Variants in POLR2F observed in about 807,000 individuals in gnomAD.
The protein encoded by POLR2F is DNA-directed RNA polymerases I, II, and III subunit RPABC2.
Under a neutral mutation model 22.7 loss-of-function variants are expected in POLR2F, and 12 were observed. That is an observed-to-expected ratio of 0.53 (90% CI 0.34 to 0.86). The LOEUF is 0.86. Among genes scored for constraint, POLR2F ranks in the 40% least tolerant of loss-of-function variants. The probability of loss-of-function intolerance (pLI) is 0.02; values close to 1 mark genes in which losing one functional copy is unlikely to be tolerated. For missense variants in POLR2F, 126 were observed against 171.5 expected (o/e 0.73, Z 1.48); for synonymous variants, 57 against 66.0 (o/e 0.86, Z 0.66).
chr22:37,984,775 G>A (rs1932522174), upstream of POLR2F, among the ~76,000 whole-genome samples: 1 of 152,166 alleles, frequency 6.6e-6, no homozygotes, highest in South Asian at 2.1e-4. This position sits in a 1 kb window ranked among gnomAD's most constrained non-coding sequence, Gnocchi z 4.4. Context: ...GGGAGGTGGA[G>A]GGGAGGTTAG....
chr22:38,013,343 A>G (rs967326446), intron 1 of POLR2F, among the ~76,000 whole-genome samples: 3 of 151,958 alleles, frequency 2.0e-5, no homozygotes, highest in Non-Finnish European at 2.9e-5. Context: ...GCGGGGTTTC[A>G]TCATGTTGGC....
chr22:38,012,730 G>T (rs1341216710), intron 1 of POLR2F, among the ~76,000 whole-genome samples: 1 of 152,104 alleles, frequency 6.6e-6, no homozygotes, highest in Non-Finnish European at 1.5e-5. Context: ...TGACATTTTT[G>T]AAGCGTACAA....
rs1932180791 is a variant in POLR2F, at chr22:37,974,990, C to G, written c.293+7820C>G. ...CAACCCTTCCCTCCTCCTGAGCCCA[C>G]CCTGCTTCCCAGCCCACTGGCAAGC... On this transcript the variant is annotated intron_variant, in intron 4 of 4. Coordinates refer to the POLR2F transcript ENST00000405557. The surrounding 1 kb of genome is among the most constrained non-coding windows in gnomAD (Gnocchi z 5.4). 6.6e-6 allele frequency among the ~76,000 whole-genome samples: 1 copy of G among 152,228 alleles called. No homozygotes were observed. Among genetic ancestry groups the G allele is most frequent in the South Asian group, 2.1e-4 (1 of 4,830 alleles).
chr22:38,021,327 A>G (rs1006483654), intron 1 of POLR2F, among the ~76,000 whole-genome samples: 2 of 152,096 alleles, frequency 1.3e-5, no homozygotes, highest in Non-Finnish European at 2.9e-5. Context: ...GCCTTTGCCA[A>G]GCTCTTCCTT....
chr22:37,983,863 G>A, upstream of POLR2F: 1 of 1,240,486 alleles, frequency 8.1e-7, no homozygotes, highest in Non-Finnish European at 1.0e-6. This position sits in a 1 kb window ranked among gnomAD's most constrained non-coding sequence, Gnocchi z 9.5. Flanking sequence ...AGAGTCCAAC[G>A]CCCACCTGGA....
At chr22:37,960,028 G>A (rs968804056) in intron 3 of POLR2F, among the ~76,000 whole-genome samples, 2 of 151,930 alleles carry the variant, frequency 1.3e-5, no homozygotes, top group South Asian at 2.1e-4. Flanking sequence ...AGTCTCGAAC[G>A]CCTAGCTTCA....
rs2085131041 is a variant in POLR2F at position 38,037,779 on chromosome 22, G to A, written c.453-3289G>A. Among the ~76,000 whole-genome samples, 3 of 152,230 alleles carry A rather than the reference G, an allele frequency of 2.0e-5. 1 individual carries two copies. The highest frequency in any genetic ancestry group is 2.0e-4 in the Admixed American group (3 of 15,284). On this transcript the variant is annotated intron_variant, in intron 5 of 5. Coordinates refer to the POLR2F transcript ENST00000407936. ...GGCTAATTTTTGTATTTTTAGTAGA[G>A]ATGAGGTTTCACCACGTTGGCCAGG...
At chr22:37,954,537 G>C (rs1309857109) in intron 1 of POLR2F, among the ~76,000 whole-genome samples, 1 of 152,132 alleles carries the variant, frequency 6.6e-6, no homozygotes, top group Non-Finnish European at 1.5e-5. Context: ...TCCTGAGCTT[G>C]TGATCCACCC....
chr22:38,034,672 CCCTT>C (rs1373760218), intron 5 of POLR2F, among the ~76,000 whole-genome samples: 2 of 152,148 alleles, frequency 1.3e-5, no homozygotes, highest in African/African-American at 2.4e-5. Context: ...TAGCAGCTTC[CCCTT>C]GGGACAGAAT....
rs1443018564 is a variant in POLR2F at position 37,967,801 on chromosome 22, A to G, written c.*86A>G. 1.3e-6 allele frequency: 2 copies of G among 1,490,438 alleles called. No homozygotes were observed. The highest frequency in any genetic ancestry group is 1.8e-6 in the Non-Finnish European group (2 of 1,120,892). 92.3% of individuals were successfully genotyped at this position (1,490,438 alleles called of 1,614,324 possible). On this transcript the variant is annotated 3_prime_UTR_variant, in exon 5 of 5. Coordinates refer to ENST00000442738, the MANE Select transcript of POLR2F (RefSeq NM_021974.5). Reference sequence around the variant, plus strand: ...AAATAATAAAATATTCAACTTTCCAACCCCCTTCCCCTCTGCTTATCTGCA... The same window carrying G: ...AAATAATAAAATATTCAACTTTCCAGCCCCCTTCCCCTCTGCTTATCTGCA...
chr22:37,956,629 C>A, intron 1 of POLR2F, 144 bp from the exon 2 acceptor site: 1 of 659,618 alleles, frequency 1.5e-6, no homozygotes, highest in Non-Finnish European at 2.7e-6. Flanking sequence ...GTTGGCCAGG[C>A]TGGTCTTGAA....
intron 1 of POLR2F, 26 bp from the exon 2 acceptor site, chr22:37,956,743 CTAAG>C (rs752235062): frequency 5.1e-6 from 8 of 1,580,758 alleles, no homozygotes; most frequent in Non-Finnish European, 1.7e-6. Flanking sequence ...AAGTGATGCT[CTAAG>C]TAACTGATCT....
At chr22:37,973,754 G>A, downstream of POLR2F, 1 of 1,599,330 alleles carries the variant, frequency 6.3e-7, no homozygotes, top group Non-Finnish European at 8.5e-7. Flanking sequence ...GCTGAGGGAG[G>A]TGTAGGCGAT....
intron 1 of POLR2F, among the ~76,000 whole-genome samples, chr22:38,021,178 G>A (rs2084957724): frequency 6.6e-6 from 1 of 152,194 alleles, no homozygotes; most frequent in East Asian, 1.9e-4. Context: ...GAAGGCACCA[G>A]GAAAGGCTTC....
At chr22:37,959,321 C>G in intron 2 of POLR2F, 25 bp from the exon 3 acceptor site, 1 of 1,610,742 alleles carries the variant, frequency 6.2e-7, no homozygotes, top group Non-Finnish European at 8.5e-7. Flanking sequence ...CTGAGTCTTT[C>G]CCTCTTTTTT....
intron 1 of POLR2F, among the ~76,000 whole-genome samples, chr22:38,010,140 T>C (rs139901): frequency 0.65 from 99,168 of 152,052 alleles, 33,293 homozygotes; most frequent in African/African-American, 0.82. Context: ...TTTGAGAGGC[T>C]GAGGTGAGAG....
chr22:37,960,228 C>CT (rs1242397751), intron 3 of POLR2F, among the ~76,000 whole-genome samples: 2,788 of 139,154 alleles, frequency 0.02, 57 homozygotes, highest in East Asian at 0.061. Context: ...ATTTTCTTTT[C>CT]TTTTTTTTTT....
intron 1 of POLR2F, among the ~76,000 whole-genome samples, chr22:37,990,164 G>A (rs917386447): frequency 5.9e-5 from 9 of 152,198 alleles, no homozygotes; most frequent in Non-Finnish European, 7.3e-5. Context: ...AGGCTGGAGC[G>A]GGCAGGAGTG....
rs577401522 is a variant in POLR2F at position 37,986,233 on chromosome 22, T to A, written c.43T>A (p.Cys15Ser). 1.3e-6 allele frequency: 2 copies of A among 1,541,054 alleles called. No individual in the cohort carries two copies. The highest frequency in any genetic ancestry group is 2.4e-5 in the South Asian group (2 of 84,082). The change falls in exon 1 of 3, where the codon TGT becomes AGT. Residue 15 changes from cysteine to serine, a missense_variant. By Grantham distance (112) the Cys-to-Ser change is moderately radical (BLOSUM62 -1). Coordinates refer to the POLR2F transcript ENST00000333418. The surrounding 1 kb of genome is among the most constrained non-coding windows in gnomAD (Gnocchi z 4.7). ...GACGAGGGACGAGCATCTGCCGTCG[T>A]GTCCCGGCTGCCCTGCAGTCGCCTC... is the stretch of plus-strand genomic sequence containing the variant.
Sources: allele counts gnomAD v4.1 joint callset (sites outside exome capture counted in the v4.1 genomes callset), GRCh38; gene constraint gnomAD v4.1.1; non-coding constraint Gnocchi (gnomAD v3.1); transcripts MANE v1.5; gene names NCBI Gene and HGNC (gene_info 2026-07-23, HGNC 2026-07-21).